PCDHGA2: variants seen among roughly 807,000 people sequenced by gnomAD.
PCDHGA2 encodes the protein protocadherin gamma-A2.
PCDHGA2 carries 40 observed loss-of-function variants against 59.2 expected under a neutral mutation model. That is an observed-to-expected ratio of 0.68 (90% CI 0.52 to 0.88). The LOEUF is 0.88. PCDHGA2 is among the 40% of genes least tolerant of loss of function. PCDHGA2 has a pLI of 0.00. For synonymous variants in PCDHGA2, 560 were observed against 526.0 expected, an observed-to-expected ratio of 1.06 and a Z score of -0.89; for missense variants, 1,226 against 1,204.0, an observed-to-expected ratio of 1.02 and a Z score of -0.27.
At chr5:141,402,912 G>T (rs373067478) in intron 1 of PCDHGA2, 319 of 1,553,994 alleles carry the variant, frequency 2.1e-4, no homozygotes, top group East Asian at 2.5e-4. Flanking sequence ...GAAGCAGCGC[G>T]CACAGAGATC....
chr5:141,345,653 T>TC, intron 1 of PCDHGA2: 14 of 1,614,138 alleles, frequency 8.7e-6, no homozygotes, highest in Non-Finnish European at 1.1e-5. Context: ...GCGGGAACCC[T>TC]CCACTCAGCA....
chr5:141,446,468 A>G (rs2098503159), intron 1 of PCDHGA2, among the ~76,000 whole-genome samples: 1 of 149,982 alleles, frequency 6.7e-6, no homozygotes, highest in African/African-American at 2.5e-5. Flanking sequence ...GTGATTAGAC[A>G]TATGGTCATC....
intron 1 of PCDHGA2, chr5:141,404,805 C>G (rs770534822): frequency 1.3e-5 from 21 of 1,613,960 alleles, no homozygotes; most frequent in Non-Finnish European, 1.8e-5. Context: ...GGGCTCTTCT[C>G]GGTGGGGCTG....
At chr5:141,350,183 A>G in intron 1 of PCDHGA2, 1 of 1,343,484 alleles carries the variant, frequency 7.4e-7, no homozygotes, top group East Asian at 2.5e-5. Flanking sequence ...CTAAGCTCAA[A>G]TCACAGAAGT....
chr5:141,479,466 C>G (rs1004384273), intron 1 of PCDHGA2: 1 of 152,224 alleles, frequency 6.6e-6, no homozygotes, highest in Non-Finnish European at 1.5e-5. Flanking sequence ...AATACAGTGA[C>G]CTCTTGGGAG....
intron 1 of PCDHGA2, chr5:141,377,997 G>C (rs1774530725): frequency 6.6e-6 from 1 of 152,122 alleles, no homozygotes; most frequent in African/African-American, 2.4e-5. Flanking sequence ...CCTAAAGCTT[G>C]GCTCAAATAA....
intron 1 of PCDHGA2, chr5:141,388,040 G>A (rs1561617548): frequency 7.1e-7 from 1 of 1,412,748 alleles, no homozygotes; most frequent in Non-Finnish European, 9.6e-7. Flanking sequence ...ACCTCGCCAC[G>A]GACCTGGGGT....
At chr5:141,402,474 G>T (rs2094271773) in intron 1 of PCDHGA2, among the ~76,000 whole-genome samples, 1 of 152,122 alleles carries the variant, frequency 6.6e-6, no homozygotes, top group South Asian at 2.1e-4. Flanking sequence ...GAAATAGAGT[G>T]CAAAGTTCTA....
intron 1 of PCDHGA2, chr5:141,393,501 G>A (rs754946327): frequency 1.2e-6 from 2 of 1,614,044 alleles, no homozygotes; most frequent in Non-Finnish European, 1.7e-6. Flanking sequence ...GCGCATCCAC[G>A]TGACAGTGTT....
chr5:141,356,162 C>A (rs779976582), intron 1 of PCDHGA2: 1 of 1,613,176 alleles, frequency 6.2e-7, no homozygotes, highest in South Asian at 1.1e-5. Context: ...GATGTAGAAG[C>A]CCATGATGGG....
In PCDHGA2 at chr5:141,360,423, C is replaced by A. The variant is rs760359468; in HGVS notation, c.2424+19028C>A. On this transcript the variant is annotated intron_variant, in intron 1 of 3. Coordinates refer to ENST00000394576, the MANE Select transcript of PCDHGA2 (RefSeq NM_018915.4). Reference sequence around the variant, plus strand: ...ACAGAATAGACCGAGAACAGATATGCGGGAAGCAGCCTCTGTGTGTTCTGG... The same window carrying A: ...ACAGAATAGACCGAGAACAGATATGAGGGAAGCAGCCTCTGTGTGTTCTGG... 1.4e-5 allele frequency: 23 copies of A among 1,613,790 alleles called. No individual in the cohort carries two copies. The Admixed American group carries it at 2.2e-4, about 15-fold the overall frequency.
chr5:141,451,428 G>T (rs552096051), intron 1 of PCDHGA2, among the ~76,000 whole-genome samples: 17 of 152,166 alleles, frequency 1.1e-4, no homozygotes, highest in Non-Finnish European at 2.1e-4. Context: ...TTAGACTAAG[G>T]GTTCCAGTTC....
intron 1 of PCDHGA2, chr5:141,360,993 A>G: frequency 1.2e-6 from 2 of 1,613,632 alleles, no homozygotes; most frequent in Non-Finnish European, 1.7e-6. Context: ...ATGTGGACGA[A>G]CAAGTGAAAC....
At chr5:141,375,358 G>C in intron 1 of PCDHGA2, 1 of 1,613,810 alleles carries the variant, frequency 6.2e-7, no homozygotes, top group Non-Finnish European at 8.5e-7. Context: ...TGACAGCCAC[G>C]GACAAAGGAA....
intron 1 of PCDHGA2, chr5:141,372,040 G>C (rs1768337326): frequency 6.2e-7 from 1 of 1,613,472 alleles, no homozygotes; most frequent in Middle Eastern, 1.7e-4. Flanking sequence ...GTGAGCCTGC[G>C]CGTGTTGGTG....
chr5:141,357,542 GC>G lies in PCDHGA2; in HGVS notation c.2424+16149del, dbSNP rs1561515145. The stretch of plus-strand genomic sequence containing the variant: ...CCCAGCTATGCAGACACGCTCATCA[GC>G]CGGGAGAGTTGTGAGAAAAGCGAGC... On this transcript the variant is annotated intron_variant, in intron 1 of 3. Transcript: ENST00000394576. The G allele has an allele frequency of 2.5e-6, 4 of 1,614,210 alleles. No homozygotes were observed. In the East Asian group the frequency reaches 8.9e-5, roughly 36 times the overall value.
chr5:141,447,298 C>T lies in PCDHGA2; in HGVS notation c.2425-47509C>T, dbSNP rs187482431. 1.7e-3 allele frequency among the ~76,000 whole-genome samples: 260 copies of T among 152,214 alleles called. 2 individuals carry two copies. Among genetic ancestry groups the T allele is most frequent in the African/African-American group, 5.8e-3 (239 of 41,534 alleles). ...GGGACTACAGGCACATGCCACCACA[C>T]CCGGCTAATTTTTGTATTTTTAGTA... On this transcript the variant is annotated intron_variant, in intron 1 of 3. Coordinates refer to ENST00000394576, the MANE Select transcript of PCDHGA2 (RefSeq NM_018915.4).
At chr5:141,360,185 T>C in intron 1 of PCDHGA2, 2 of 1,611,370 alleles carry the variant, frequency 1.2e-6, no homozygotes, top group Non-Finnish European at 1.7e-6. Context: ...CTGCAGGTAC[T>C]GTTGCCCTTC....
chr5:141,417,776 C>T (rs2096161387), intron 1 of PCDHGA2: 1 of 1,469,712 alleles, frequency 6.8e-7, no homozygotes, highest in South Asian at 1.4e-5. Context: ...CTCCTCCTGT[C>T]CTGGGCCGAA....
Sources: gnomAD v4.1 joint callset for allele counts (sites outside exome capture counted in the v4.1 genomes callset) on GRCh38, gnomAD v4.1.1 for gene constraint, MANE v1.5 for transcripts, NCBI Gene and HGNC (gene_info 2026-07-23, HGNC 2026-07-21) for gene names.